The following TTC4 variants were observed in gnomAD, a reference collection of about 807,000 sequenced individuals.
The protein encoded by TTC4 is tetratricopeptide repeat domain 4.
Under a neutral mutation model 51.9 loss-of-function variants are expected in TTC4, and 36 were observed. That is an observed-to-expected ratio of 0.69 (90% CI 0.53 to 0.92). The LOEUF is 0.92. Among genes scored for constraint, TTC4 ranks in the 40% least tolerant of loss-of-function variants. The pLI is 0.00. For synonymous variants in TTC4, 144 were observed against 164.2 expected, an observed-to-expected ratio of 0.88 and a Z score of 0.94; for missense variants, 399 against 454.6, an observed-to-expected ratio of 0.88 and a Z score of 1.11.
At chr1:54,718,544 G>A (rs1370113459) in intron 3 of TTC4, among the ~76,000 whole-genome samples, 1 of 152,060 alleles carries the variant, frequency 6.6e-6, no homozygotes, top group Non-Finnish European at 1.5e-5. Context: ...ACCGCACCCA[G>A]GAGATTGAGG....
At chr1:54,738,834 T>G (rs958562549) in intron 9 of TTC4, among the ~76,000 whole-genome samples, 6 of 151,958 alleles carry the variant, frequency 3.9e-5, no homozygotes, top group Admixed American at 6.6e-5. Flanking sequence ...GGCTAATTTT[T>G]GTATTTTTAG....
intron 7 of TTC4, among the ~76,000 whole-genome samples, chr1:54,733,092 T>TC (rs1294587268): frequency 1.5e-5 from 2 of 137,862 alleles, no homozygotes; most frequent in Non-Finnish European, 3.0e-5. Flanking sequence ...AGACTTTGTC[T>TC]CAAAAAAAAA....
At chr1:54,734,443 C>T (rs1053625665) in intron 8 of TTC4, among the ~76,000 whole-genome samples, 6 of 152,116 alleles carry the variant, frequency 3.9e-5, no homozygotes, top group Non-Finnish European at 8.8e-5. Context: ...GGCTGGAGTG[C>T]TGTGGTGCAA....
chr1:54,741,382 C>T (rs1371712914), intron 9 of TTC4, 29 bp from the exon 10 acceptor site: 2 of 1,563,716 alleles, frequency 1.3e-6, no homozygotes, highest in Non-Finnish European at 1.8e-6. Flanking sequence ...ATTAAATTAA[C>T]ACCCTCTCTT....
chr1:54,723,011 G>C (rs1376356199), intron 5 of TTC4, among the ~76,000 whole-genome samples: 3 of 152,202 alleles, frequency 2.0e-5, no homozygotes, highest in Non-Finnish European at 4.4e-5. Flanking sequence ...TGGTAGTACA[G>C]TCATGTGCCA....
rs1051641207 is a variant in TTC4 at position 54,731,554 on chromosome 1, G to A, written c.750G>A (p.Glu250=). The change falls in exon 7 of 10, where the codon GAG becomes GAA. Residue 250 remains glutamate (E), a synonymous_variant. Transcript: ENST00000371281. The stretch of plus-strand genomic sequence containing the variant: ...ATTCAGCCTCAGAAGGTCTAGGTGA[G>A]CTTTTCCTGGATGGACTCAGCACTG... The part of the protein sequence containing the change: ...DEDSASEGLG[E]LFLDGLSTEN... 9.3e-6 allele frequency: 15 copies of A among 1,613,940 alleles called. No homozygotes were observed. The highest frequency in any genetic ancestry group is 1.2e-5 in the Non-Finnish European group (14 of 1,180,002).
At chr1:54,736,320 AT>A (rs1163915514) in intron 8 of TTC4, among the ~76,000 whole-genome samples, 2 of 149,462 alleles carry the variant, frequency 1.3e-5, no homozygotes, top group Non-Finnish European at 3.0e-5. Context: ...CATCCACAGG[AT>A]TTTTTCTCCC....
chr1:54,730,278 T>A (rs1645849024), intron 6 of TTC4, among the ~76,000 whole-genome samples: 6 of 145,766 alleles, frequency 4.1e-5, no homozygotes, highest in African/African-American at 1.6e-4. Flanking sequence ...TTTGCATAAA[T>A]CCTTTTTTTT....
At chr1:54,721,766 AC>A (rs1437185614) in intron 4 of TTC4, among the ~76,000 whole-genome samples, 1 of 152,218 alleles carries the variant, frequency 6.6e-6, no homozygotes, top group Non-Finnish European at 1.5e-5. Flanking sequence ...ATCCCCATGG[AC>A]CAGCTTAAAA....
At chr1:54,721,072 T>A in intron 3 of TTC4, 91 bp from the exon 4 acceptor site, 2 of 1,204,924 alleles carry the variant, frequency 1.7e-6, no homozygotes, top group Non-Finnish European at 2.4e-6. Flanking sequence ...TTCCCCAGGA[T>A]TGTACAAGAG....
intron 5 of TTC4, among the ~76,000 whole-genome samples, chr1:54,724,568 C>T (rs1645778660): frequency 6.6e-6 from 1 of 152,110 alleles, no homozygotes; most frequent in Non-Finnish European, 1.5e-5. Flanking sequence ...CCACTGTGCC[C>T]AGCCACTGAA....
At position 54,728,265 on chromosome 1, in the gene TTC4, G is replaced by A. The variant is rs868540553; in HGVS notation, c.595-81G>A. 15 of 1,299,734 alleles carry A rather than the reference G, an allele frequency of 1.2e-5. No individual in the cohort carries two copies. In the Middle Eastern group the frequency reaches 1.9e-3, roughly 161 times the overall value. The allele number at this position is 1,299,734 out of a possible 1,614,324, so 80.5% of individuals were successfully genotyped here. ...GAGCTTGGGTTGGATAGAGGCCAGA[G>A]ATAATAATTTAGGAGCAGGCTAGTG... On this transcript the variant is annotated intron_variant, in intron 5 of 9. Transcript: ENST00000371281.
Position 54,716,674 on chromosome 1 carries a change from T to G in TTC4, c.186T>G (p.Ala62=). Residue 62 remains alanine, a synonymous_variant, in exon 2 of 10, where the codon GCT becomes GCG. Coordinates refer to ENST00000371281, the MANE Select transcript of TTC4 (RefSeq NM_004623.5). ...EIDPRENPDL[A]CLQSIIFDEE... ...ATCCCAGGGAGAATCCTGACTTGGC[T>G]TGTCTCCAGTCAATTATTTTTGATG... The G allele has an allele frequency of 6.2e-7, 1 of 1,613,796 alleles. No homozygotes were observed. Among genetic ancestry groups the G allele is most frequent in the Non-Finnish European group, 8.5e-7 (1 of 1,179,986 alleles).
rs1476625173 is a variant in TTC4 at position 54,742,596 on chromosome 1, T to A, written c.*1083T>A. On this transcript the variant is annotated 3_prime_UTR_variant, in exon 10 of 10. Transcript: ENST00000371281. ...TGTAGTAAGCAGTGAGATTTAGGGGTTGGTTGTTACTATAGCAGAGCTAAT... is the reference window on the plus strand; with the variant it reads ...TGTAGTAAGCAGTGAGATTTAGGGGATGGTTGTTACTATAGCAGAGCTAAT... The A allele has an allele frequency of 6.6e-6, 1 of 152,110 alleles. No homozygotes were observed. Among genetic ancestry groups the A allele is most frequent in the Non-Finnish European group, 1.5e-5 (1 of 68,048 alleles). The allele number at this position is 152,110 out of a possible 1,614,324, so 9.4% of individuals were successfully genotyped here.
At chr1:54,722,349 C>A (rs12072416) in intron 4 of TTC4, among the ~76,000 whole-genome samples, 1 of 152,012 alleles carries the variant, frequency 6.6e-6, no homozygotes, top group African/African-American at 2.4e-5. Context: ...GGTCCTTTGT[C>A]TAAGGTCTAG....
intron 3 of TTC4, among the ~76,000 whole-genome samples, chr1:54,720,226 A>C (rs1340844907): frequency 1.3e-5 from 2 of 152,180 alleles, no homozygotes; most frequent in Non-Finnish European, 2.9e-5. Flanking sequence ...CAAGAATTGT[A>C]ATAAAATGAA....
In TTC4 at chr1:54,741,901, C is replaced by G; in HGVS notation, c.*388C>G. 1 of 186,314 alleles carries G rather than the reference C, an allele frequency of 5.4e-6. No homozygotes were observed. Among genetic ancestry groups the G allele is most frequent in the Non-Finnish European group, 1.1e-5 (1 of 92,808 alleles). The allele number at this position is 186,314 out of a possible 1,614,324, so 11.5% of individuals were successfully genotyped here. ...CTTAGAGAAGCTACCCCTCAAACTG[C>G]ACATCTACACACAAACAAACAATGC... On this transcript the variant is annotated 3_prime_UTR_variant, in exon 10 of 10. Transcript: ENST00000371281.
At chr1:54,720,812 T>TA (rs1645734282) in intron 3 of TTC4, among the ~76,000 whole-genome samples, 1 of 152,194 alleles carries the variant, frequency 6.6e-6, no homozygotes, top group Non-Finnish European at 1.5e-5. Flanking sequence ...ATGTACAAAA[T>TA]ACATGCTAAT....
At position 54,733,729 on chromosome 1, in the gene TTC4, C is replaced by G; in HGVS notation, c.978+19C>G. On this transcript the variant is annotated intron_variant, in intron 8 of 9. Coordinates refer to ENST00000371281, the MANE Select transcript of TTC4 (RefSeq NM_004623.5). ...TTTGGAGGTAAGAGAAGTTTTATTT[C>G]GTTCCTCTATGGAATTAATTTTTTT... 2 of 1,309,214 alleles carry G rather than the reference C, an allele frequency of 1.5e-6. No individual in the cohort carries two copies. Among genetic ancestry groups the G allele is most frequent in the Non-Finnish European group, 2.1e-6 (2 of 942,250 alleles). 81.1% of individuals were successfully genotyped at this position (1,309,214 alleles called of 1,614,324 possible).
Sources: allele counts gnomAD v4.1 joint callset (sites outside exome capture counted in the v4.1 genomes callset), GRCh38; gene constraint gnomAD v4.1.1; transcripts MANE v1.5; gene names NCBI Gene and HGNC (gene_info 2026-07-23, HGNC 2026-07-21).